Variants in SLC6A19 observed in about 807,000 individuals in gnomAD.
SLC6A19 encodes solute carrier family 6 member 19.
A neutral mutation model predicts 68.3 loss-of-function variants in SLC6A19; 67 were observed. The ratio of observed to expected loss-of-function variants is 0.98; its 90% confidence interval spans 0.81 to 1.20. The LOEUF (loss-of-function observed/expected upper bound fraction) is 1.20. Ranked by LOEUF, SLC6A19 falls within the 50% of genes most tolerant of loss-of-function variation. The pLI is 0.00. For synonymous variants in SLC6A19, 392 were observed against 374.9 expected, an observed-to-expected ratio of 1.05 and a Z score of -0.53; for missense variants, 813 against 851.6, an observed-to-expected ratio of 0.95 and a Z score of 0.56.
chr5:1,222,664 TATGGACACGC>T lies in SLC6A19; in HGVS notation c.*773_*782del, dbSNP rs540405346. On this transcript the variant is annotated 3_prime_UTR_variant, in exon 12 of 12. Transcript: ENST00000304460. Reference sequence around the variant, plus strand: ...ATGCCAGTGTGTATGTATGTGCGCATATGGACACGCATGGACACGCATATGGACACATATG... The same window carrying T: ...ATGCCAGTGTGTATGTATGTGCGCATATGGACACGCATATGGACACATATG... 622 of 215,552 alleles carry T rather than the reference TATGGACACGC, an allele frequency of 2.9e-3. 2 individuals carry two copies. The highest frequency in any genetic ancestry group is 0.012 in the African/African-American group (532 of 43,760). The allele number at this position is 215,552 out of a possible 1,614,324, so 13.4% of individuals were successfully genotyped here.
rs1182283777 is a variant in SLC6A19 at position 1,212,956 on chromosome 5, C to T, written c.663+472C>T. On this transcript the variant is annotated intron_variant, in intron 4 of 11. Coordinates refer to ENST00000304460, the MANE Select transcript of SLC6A19 (RefSeq NM_001003841.3). The surrounding 1 kb of genome is among the most constrained non-coding windows in gnomAD (Gnocchi z 5.1). The stretch of plus-strand genomic sequence containing the variant: ...TCCCCGTTCCCACTCGTCCCACATG[C>T]CCCCCACCACAAGCACGGCCCCCCT... Among the ~76,000 whole-genome samples the T allele has an allele frequency of 4.9e-5, 7 of 142,414 alleles. No individual in the cohort carries two copies. Among genetic ancestry groups the T allele is most frequent in the Non-Finnish European group, 9.2e-5 (6 of 65,118 alleles). The allele number at this position is 142,414 out of a possible 152,430, so 93.4% of individuals were successfully genotyped here.
chr5:1,217,778 TC>T (rs1300507791), intron 8 of SLC6A19, among the ~76,000 whole-genome samples: 1 of 152,220 alleles, frequency 6.6e-6, no homozygotes, highest in Non-Finnish European at 1.5e-5. Flanking sequence ...TTCGCCCACT[TC>T]CAGTGCCTTG....
Position 1,221,885 on chromosome 5 carries a change from A to AC in SLC6A19, c.1887dup (p.Gly630ArgfsTer39). 1.2e-6 allele frequency: 2 copies of AC among 1,614,136 alleles called. No homozygotes were observed. Among genetic ancestry groups the AC allele is most frequent in the Non-Finnish European group, 1.7e-6 (2 of 1,180,026 alleles). On this transcript the variant is annotated frameshift_variant, in exon 12 of 12. Coordinates refer to ENST00000304460, the MANE Select transcript of SLC6A19 (RefSeq NM_001003841.3). LOFTEE classifies it high-confidence loss of function. ...AGCACACTGTCCACAGCCTCCATGA[A>AC]CGGGGACCTGAAGTACTGAGAAGGC... is the stretch of plus-strand genomic sequence containing the variant.
Position 1,224,555 on chromosome 5 carries a change from C to A in SLC6A19, c.*2651C>A, listed in dbSNP as rs1746491601. The stretch of plus-strand genomic sequence containing the variant: ...CCTGTGGCCTCACAATGGGGACCAA[C>A]CAGCTCTTCTCATCTTCTTCCCTCA... On this transcript the variant is annotated 3_prime_UTR_variant, in exon 12 of 12. Coordinates refer to ENST00000304460, the MANE Select transcript of SLC6A19 (RefSeq NM_001003841.3). The A allele has an allele frequency of 6.6e-6, 1 of 152,372 alleles. No individual in the cohort carries two copies. Among genetic ancestry groups the A allele is most frequent in the African/African-American group, 2.4e-5 (1 of 41,474 alleles). The allele number at this position is 152,372 out of a possible 1,614,324, so 9.4% of individuals were successfully genotyped here.
At chr5:1,202,702 A>C (rs4975607) in intron 1 of SLC6A19, among the ~76,000 whole-genome samples, 65,767 of 151,788 alleles carry the variant, frequency 0.43, 14,501 homozygotes, top group African/African-American at 0.47. Flanking sequence ...GGGGGCCGTG[A>C]AGGTCTCAGC....
chr5:1,210,109 C>T (rs1036008327), intron 2 of SLC6A19, among the ~76,000 whole-genome samples: 16 of 152,270 alleles, frequency 1.1e-4, no homozygotes, highest in African/African-American at 2.4e-4. Context: ...TCTGCGAAGG[C>T]GGTGGCCTGG....
rs147837686 is a variant in SLC6A19, at chr5:1,212,353, C to T, written c.532C>T (p.Arg178Ter). The change falls in exon 4 of 12, where the codon CGA (arginine) becomes TGA (stop). Residue 178 changes from arginine (R) to a stop codon, truncating the protein, a stop_gained. Transcript: ENST00000304460. LOFTEE classifies it high-confidence loss of function. This position sits in a 1 kb window ranked among gnomAD's most constrained non-coding sequence, Gnocchi z 5.1. ...RSSPVDYFWY[R>*]ETLNISTSIS... ...CTCCCCTGTGGACTACTTCTGGTAC[C>T]GAGAGACGCTCAACATCTCCACGTC... The T allele has an allele frequency of 7.4e-5, 119 of 1,613,466 alleles. No individual in the cohort carries two copies. The highest frequency in any genetic ancestry group is 6.8e-4 in the African/African-American group (51 of 74,886).
chr5:1,207,272 C>G (rs1375344320), intron 1 of SLC6A19, among the ~76,000 whole-genome samples: 1 of 152,196 alleles, frequency 6.6e-6, no homozygotes, highest in Non-Finnish European at 1.5e-5. Context: ...CCTTGGGCAC[C>G]GTCATGATGC....
chr5:1,217,984 A>G (rs1255690515), intron 8 of SLC6A19, among the ~76,000 whole-genome samples: 1 of 151,080 alleles, frequency 6.6e-6, no homozygotes, highest in Non-Finnish European at 1.5e-5. Context: ...GAGAAGCACC[A>G]GAGTTGGCGC....
intron 1 of SLC6A19, among the ~76,000 whole-genome samples, chr5:1,204,476 C>T (rs946640705): frequency 2.0e-5 from 3 of 152,352 alleles, no homozygotes; most frequent in Admixed American, 1.3e-4. Flanking sequence ...AGCCGTGAGG[C>T]GTGGTCAGCC....
At chr5:1,203,547 A>G (rs1195764760) in intron 1 of SLC6A19, among the ~76,000 whole-genome samples, 1 of 152,188 alleles carries the variant, frequency 6.6e-6, no homozygotes, top group Non-Finnish European at 1.5e-5. Flanking sequence ...CCCAGACCCC[A>G]GACAAGCTTC....
rs749994519 is a variant in SLC6A19, at chr5:1,221,684, T to C, written c.1702-17T>C. ...GGCTCCCGGGATGCCTACTCACCCATGGGGCTCTCTCCCCAGGAGGAATTT... is the reference window on the plus strand; with the variant it reads ...GGCTCCCGGGATGCCTACTCACCCACGGGGCTCTCTCCCCAGGAGGAATTT... On this transcript the variant is annotated splice_polypyrimidine_tract_variant and intron_variant, in intron 11 of 11. Transcript: ENST00000304460. 1.2e-5 allele frequency: 20 copies of C among 1,613,596 alleles called. No individual in the cohort carries two copies. Among genetic ancestry groups the C allele is most frequent in the Non-Finnish European group, 1.5e-5 (18 of 1,179,830 alleles).
chr5:1,211,636 T>A (rs1746031162), intron 3 of SLC6A19, among the ~76,000 whole-genome samples: 1 of 152,196 alleles, frequency 6.6e-6, no homozygotes, highest in Admixed American at 6.5e-5. Flanking sequence ...GTGTGCTATG[T>A]GTGTGCTGTG....
In SLC6A19 at chr5:1,213,495, C is replaced by T. The variant is rs200353409; in HGVS notation, c.696C>T (p.Val232=). Reference sequence around the variant, plus strand: ...ACATCACCTCCACGCTGCCCTATGTCGTCCTGACCATCTTCCTCATCCGAG... The same window carrying T: ...ACATCACCTCCACGCTGCCCTATGTTGTCCTGACCATCTTCCTCATCCGAG... ...AVYITSTLPY[V]VLTIFLIRGL... The change falls in exon 5 of 12, where the codon GTC becomes GTT. Residue 232 remains valine, a synonymous_variant. Transcript: ENST00000304460. 1.9e-4 allele frequency: 311 copies of T among 1,604,744 alleles called. No individual in the cohort carries two copies. Among genetic ancestry groups the T allele is most frequent in the Non-Finnish European group, 2.1e-4 (251 of 1,176,762 alleles).
chr5:1,214,030 G>A lies in SLC6A19; in HGVS notation c.852G>A (p.Gly284=), dbSNP rs910001858. ...TCTTCTCCTTCTCCCTGGCCTTCGG[G>A]GGCCTCATCTCCTTCTCCAGCTACA... ...QVFFSFSLAF[G]GLISFSSYNS... The change falls in exon 6 of 12, where the codon GGG becomes GGA. Residue 284 remains glycine (G), a synonymous_variant. Transcript: ENST00000304460. The surrounding 1 kb of genome is among the most constrained non-coding windows in gnomAD (Gnocchi z 7.4). 1.2e-6 allele frequency: 2 copies of A among 1,613,858 alleles called. No individual in the cohort carries two copies. Among genetic ancestry groups the A allele is most frequent in the Non-Finnish European group, 1.7e-6 (2 of 1,180,010 alleles).
In SLC6A19 at chr5:1,221,968, G is replaced by T; in HGVS notation, c.*64G>T. ...GGAAGGAGGAACCAGCAAGACCTGT[G>T]GGGTGGGGGCCGGGCTGCACCTGCA... On this transcript the variant is annotated 3_prime_UTR_variant, in exon 12 of 12. Transcript: ENST00000304460. 1 of 1,580,062 alleles carries T rather than the reference G, an allele frequency of 6.3e-7. No homozygotes were observed. The highest frequency in any genetic ancestry group is 8.6e-7 in the Non-Finnish European group (1 of 1,157,220).
Position 1,213,942 on chromosome 5 carries a change from A to G in SLC6A19, c.775-11A>G, listed in dbSNP as rs1746127382. The G allele has an allele frequency of 2.5e-6, 4 of 1,612,558 alleles. No individual in the cohort carries two copies. Among genetic ancestry groups the G allele is most frequent in the Non-Finnish European group, 3.4e-6 (4 of 1,179,964 alleles). On this transcript the variant is annotated splice_polypyrimidine_tract_variant and intron_variant, in intron 5 of 11. Coordinates refer to ENST00000304460, the MANE Select transcript of SLC6A19 (RefSeq NM_001003841.3). ...GCACCATGAGTGGCTGAGGGTCTCCATGTGGCGCAGGTCACGGAGCTGGCC... is the reference window on the plus strand; with the variant it reads ...GCACCATGAGTGGCTGAGGGTCTCCGTGTGGCGCAGGTCACGGAGCTGGCC...
At position 1,209,583 on chromosome 5, in the gene SLC6A19, C is replaced by T. The variant is rs1745965546; in HGVS notation, c.343+697C>T. On this transcript the variant is annotated intron_variant, in intron 2 of 11. Transcript: ENST00000304460. The surrounding 1 kb of genome is among the most constrained non-coding windows in gnomAD (Gnocchi z 5.5). ...TGAGTATCCAAGACCTCCCTCCTCCCTCTCTCTTCCTCTCTCTGTCTCTCC... is the reference window on the plus strand; with the variant it reads ...TGAGTATCCAAGACCTCCCTCCTCCTTCTCTCTTCCTCTCTCTGTCTCTCC... 6.6e-6 allele frequency among the ~76,000 whole-genome samples: 1 copy of T among 151,988 alleles called. No homozygotes were observed. The highest frequency in any genetic ancestry group is 1.5e-5 in the Non-Finnish European group (1 of 67,994).
At position 1,214,466 on chromosome 5, in the gene SLC6A19, C is replaced by T. The variant is rs1463040167; in HGVS notation, c.887+401C>T. 6.6e-6 allele frequency among the ~76,000 whole-genome samples: 1 copy of T among 152,226 alleles called. No homozygotes were observed. The highest frequency in any genetic ancestry group is 1.5e-5 in the Non-Finnish European group (1 of 68,038). ...CCCCGACCAAGGTCTGATCCTTCCA[C>T]TGCCCCTTCCCCACGTACCCACTGC... is the stretch of plus-strand genomic sequence containing the variant. On this transcript the variant is annotated intron_variant, in intron 6 of 11. Coordinates refer to ENST00000304460, the MANE Select transcript of SLC6A19 (RefSeq NM_001003841.3). This position sits in a 1 kb window ranked among gnomAD's most constrained non-coding sequence, Gnocchi z 7.4.
Sources: allele counts gnomAD v4.1 joint callset (sites outside exome capture counted in the v4.1 genomes callset), GRCh38; gene constraint gnomAD v4.1.1; non-coding constraint Gnocchi (gnomAD v3.1); transcripts MANE v1.5; gene names NCBI Gene and HGNC (gene_info 2026-07-23, HGNC 2026-07-21).